RASA1: variants seen among roughly 807,000 people sequenced by gnomAD.
RASA1 encodes the protein ras GTPase-activating protein 1.
In RASA1, 25 loss-of-function variants were observed where a neutral mutation model predicts 132.2. That is an observed-to-expected ratio of 0.19 (90% confidence interval 0.14 to 0.26). RASA1 has a LOEUF of 0.26. Ranked by LOEUF, RASA1 falls within the 10% of genes least tolerant of loss-of-function variation. The pLI, the probability that RASA1 is intolerant of heterozygous loss-of-function variation, is 1.00. For synonymous variants in RASA1, 477 were observed against 449.9 expected, an observed-to-expected ratio of 1.06 and a Z score of -0.76; for missense variants, 964 against 1,299.2, an observed-to-expected ratio of 0.74 and a Z score of 3.97.
intron 15 of RASA1, among the ~76,000 whole-genome samples, chr5:87,375,330 G>A (rs1461885135): frequency 6.6e-6 from 1 of 150,596 alleles, no homozygotes; most frequent in Non-Finnish European, 1.5e-5. Context: ...GTGTGATCTC[G>A]GCTCACTGCA....
intron 9 of RASA1, among the ~76,000 whole-genome samples, chr5:87,361,427 C>T (rs900066990): frequency 2.6e-5 from 4 of 151,968 alleles, no homozygotes; most frequent in Non-Finnish European, 5.9e-5. Context: ...TATGAAAATC[C>T]CACAGCATAA....
chr5:87,353,034 G>T, intron 8 of RASA1, 123 bp from the exon 9 acceptor site: 1 of 684,710 alleles, frequency 1.5e-6, no homozygotes, highest in Middle Eastern at 4.0e-4. Context: ...TAATGTATTT[G>T]TGTTATGTGC....
intron 9 of RASA1, among the ~76,000 whole-genome samples, chr5:87,354,268 A>T (rs1225115446): frequency 6.6e-6 from 1 of 152,138 alleles, no homozygotes; most frequent in Non-Finnish European, 1.5e-5. Flanking sequence ...TTTCAAAGAT[A>T]GTTTTTTTTA....
intron 1 of RASA1, among the ~76,000 whole-genome samples, chr5:87,276,069 C>T (rs1754050188): frequency 6.6e-6 from 1 of 152,038 alleles, no homozygotes; most frequent in South Asian, 2.1e-4. Flanking sequence ...TTGAGCTTTC[C>T]TCAGGGCATC....
chr5:87,331,045 A>G (rs912840530), intron 1 of RASA1: 17 of 1,260,902 alleles, frequency 1.3e-5, no homozygotes, highest in Non-Finnish European at 1.8e-5. Context: ...ATCTGGTTGC[A>G]GTAGTGTTTA....
In RASA1 at chr5:87,389,395, T is replaced by C. The variant is rs780133715; in HGVS notation, c.2928T>C (p.Asn976=). 4.3e-6 allele frequency: 7 copies of C among 1,614,094 alleles called. No individual in the cohort carries two copies. Among genetic ancestry groups the C allele is most frequent in the Non-Finnish European group, 5.9e-6 (7 of 1,179,926 alleles). Residue 976 remains asparagine (N), a splice_region_variant and synonymous_variant, in exon 24 of 25, where the codon AAT becomes AAC. Transcript: ENST00000274376. ...GCAATTTTACGATTCCCTTAAAGAA[T>C]GTACCTGAACTTCCGGACACTACAG... The part of the protein sequence containing the change: ...RMIMFLDELG[N]VPELPDTTEH...
intron 21 of RASA1, 127 bp from the exon 22 acceptor site, chr5:87,385,174 T>G (rs537397435): frequency 2.8e-6 from 2 of 705,546 alleles, no homozygotes; most frequent in South Asian, 3.2e-5. Context: ...AAAAACATTC[T>G]GAGTTCCGAA....
chr5:87,358,762 C>G (rs966592944), intron 9 of RASA1, among the ~76,000 whole-genome samples: 9 of 152,172 alleles, frequency 5.9e-5, no homozygotes, highest in Admixed American at 1.3e-4. Context: ...TTCCTACTAT[C>G]CTCCTGCCAC....
intron 9 of RASA1, among the ~76,000 whole-genome samples, chr5:87,358,043 A>G (rs1284502213): frequency 1.3e-5 from 2 of 152,172 alleles, no homozygotes; most frequent in African/African-American, 4.8e-5. Context: ...CAGGGTTTTA[A>G]CTATTAGTAC....
chr5:87,343,102 G>A (rs879464607), intron 6 of RASA1, among the ~76,000 whole-genome samples: 15 of 151,940 alleles, frequency 9.9e-5, no homozygotes, highest in Admixed American at 2.6e-4. Flanking sequence ...AGGGACTGTC[G>A]CAGTACTTTA....
chr5:87,304,398 A>G (rs545869527), intron 1 of RASA1, among the ~76,000 whole-genome samples: 4 of 152,174 alleles, frequency 2.6e-5, no homozygotes, highest in African/African-American at 9.6e-5. Flanking sequence ...TAACAATTCT[A>G]GGAACTTAGA....
chr5:87,356,884 C>T (rs1488867043), intron 9 of RASA1, among the ~76,000 whole-genome samples: 2 of 152,086 alleles, frequency 1.3e-5, no homozygotes, highest in East Asian at 1.9e-4. Flanking sequence ...CCTTCATTCC[C>T]GCATGCTTTC....
intron 1 of RASA1, among the ~76,000 whole-genome samples, chr5:87,307,173 G>C (rs1177900075): frequency 6.6e-6 from 1 of 152,084 alleles, no homozygotes; most frequent in Non-Finnish European, 1.5e-5. Flanking sequence ...CAGCCCGTTA[G>C]TCATTTTTTA....
At chr5:87,383,584 T>C (rs1761873675) in intron 20 of RASA1, 129 bp from the exon 21 acceptor site, 1 of 629,880 alleles carries the variant, frequency 1.6e-6, no homozygotes, top group Non-Finnish European at 2.7e-6. Context: ...GGGCTTTCTT[T>C]TATTGGTTTA....
At chr5:87,327,110 A>G (rs1757288500) in intron 1 of RASA1, among the ~76,000 whole-genome samples, 1 of 152,172 alleles carries the variant, frequency 6.6e-6, no homozygotes, top group African/African-American at 2.4e-5. Context: ...GGTTCTTGGT[A>G]TCCATTAGGT....
At chr5:87,374,729 GT>G (rs200643915) in intron 14 of RASA1, 110 bp from the exon 15 acceptor site, 14,159 of 1,099,242 alleles carry the variant, frequency 0.013, no homozygotes, top group East Asian at 0.016. Context: ...CTAGCACACT[GT>G]TTTTTTTTTT....
intron 7 of RASA1, among the ~76,000 whole-genome samples, chr5:87,347,745 A>G (rs1163634484): frequency 2.6e-5 from 4 of 152,192 alleles, no homozygotes; most frequent in Middle Eastern, 6.8e-3. Flanking sequence ...ATAATGCTAT[A>G]TGATAGTAAT....
intron 23 of RASA1, 69 bp from the exon 24 acceptor site, chr5:87,389,322 ACT>A (rs1464017118): frequency 1.5e-5 from 23 of 1,584,298 alleles, no homozygotes; most frequent in South Asian, 5.5e-5. Context: ...CAAGAGCGAA[ACT>A]CTGTCTCAAA....
intron 1 of RASA1, among the ~76,000 whole-genome samples, chr5:87,275,837 C>T (rs926623846): frequency 2.6e-5 from 4 of 152,028 alleles, no homozygotes; most frequent in East Asian, 1.9e-4. Context: ...CAAAGTGCTG[C>T]GATTACAGGC....
Sources: allele counts gnomAD v4.1 joint callset (sites outside exome capture counted in the v4.1 genomes callset), GRCh38; gene constraint gnomAD v4.1.1; transcripts MANE v1.5; gene names NCBI Gene and HGNC (gene_info 2026-07-23, HGNC 2026-07-21).